Variants in PARN observed in about 807,000 individuals in gnomAD.
The protein encoded by PARN is poly(A)-specific ribonuclease.
PARN carries 71 observed loss-of-function variants against 102.8 expected under a neutral mutation model. The ratio of observed to expected loss-of-function variants is 0.69; its 90% confidence interval spans 0.57 to 0.84. PARN has a LOEUF of 0.84. PARN is among the 40% of genes least tolerant of loss of function. The probability of loss-of-function intolerance (pLI) is 0.00; values close to 1 mark genes in which losing one functional copy is unlikely to be tolerated. For missense variants in PARN, 782 were observed against 760.9 expected, an observed-to-expected ratio of 1.03 and a Z score of -0.33; for synonymous variants, 261 against 252.9, an observed-to-expected ratio of 1.03 and a Z score of -0.30.
chr16:14,527,183 G>A (rs1000729297), intron 21 of PARN, among the ~76,000 whole-genome samples: 1 of 152,176 alleles, frequency 6.6e-6, no homozygotes, highest in Non-Finnish European at 1.5e-5. Context: ...ATGACCTTGT[G>A]GGGAATCCAA....
At chr16:14,585,801 G>A (rs1448793295) in intron 14 of PARN, among the ~76,000 whole-genome samples, 1 of 152,030 alleles carries the variant, frequency 6.6e-6, no homozygotes, top group Non-Finnish European at 1.5e-5. Context: ...GGAGTCGTTG[G>A]TCTACTTTCA....
intron 21 of PARN, among the ~76,000 whole-genome samples, chr16:14,512,305 C>G (rs893591515): frequency 6.6e-6 from 1 of 152,094 alleles, no homozygotes; most frequent in Non-Finnish European, 1.5e-5. Context: ...AGTTTGAGAC[C>G]AGCCTAGTGA....
intron 18 of PARN, among the ~76,000 whole-genome samples, chr16:14,563,779 TAAATGAAATAGA>T (rs1259754217): frequency 3.3e-5 from 5 of 151,676 alleles, no homozygotes; most frequent in African/African-American, 1.2e-4. Flanking sequence ...TCTCAATTAG[TAAATGAAATAGA>T]CACAGAACAC....
At chr16:14,626,214 T>C (rs1972649205) in intron 5 of PARN, among the ~76,000 whole-genome samples, 2 of 152,214 alleles carry the variant, frequency 1.3e-5, no homozygotes, top group East Asian at 3.9e-4. Context: ...GATACACACA[T>C]ACTCTGCTTT....
At chr16:14,450,794 T>A (rs181614463) in intron 22 of PARN, among the ~76,000 whole-genome samples, 1 of 152,082 alleles carries the variant, frequency 6.6e-6, no homozygotes, top group East Asian at 1.9e-4. Flanking sequence ...GTAAAAAACT[T>A]TTAGGCATGT....
intron 16 of PARN, among the ~76,000 whole-genome samples, chr16:14,583,602 C>A (rs995871851): frequency 2.0e-5 from 3 of 152,206 alleles, no homozygotes; most frequent in Non-Finnish European, 4.4e-5. Flanking sequence ...TAATTCCTTT[C>A]TTGGACTATT....
chr16:14,519,148 C>T (rs982431308), intron 21 of PARN, among the ~76,000 whole-genome samples: 1 of 151,178 alleles, frequency 6.6e-6, no homozygotes, highest in Non-Finnish European at 1.5e-5. Context: ...AGAGAAAGAA[C>T]GTATATATTT....
At chr16:14,581,077 A>C in intron 17 of PARN, 134 bp from the exon 18 acceptor site, 1 of 546,088 alleles carries the variant, frequency 1.8e-6, no homozygotes, top group South Asian at 2.9e-5. Flanking sequence ...TTTGAGTCAG[A>C]GTTTCACTCT....
chr16:14,625,204 A>AAAAAC (rs1555511199), intron 5 of PARN, among the ~76,000 whole-genome samples: 8 of 151,924 alleles, frequency 5.3e-5, no homozygotes, highest in Non-Finnish European at 8.8e-5. Context: ...TTACCAAAAA[A>AAAAAC]AAAACAAAAC....
chr16:14,489,537 G>C (rs1196315656), intron 21 of PARN, among the ~76,000 whole-genome samples: 1 of 151,976 alleles, frequency 6.6e-6, no homozygotes, highest in Non-Finnish European at 1.5e-5. Flanking sequence ...AAGTGAGAAG[G>C]TCTCTTTAAG....
chr16:14,590,106 C>G (rs1405003237), intron 13 of PARN, among the ~76,000 whole-genome samples: 1 of 150,982 alleles, frequency 6.6e-6, no homozygotes, highest in Non-Finnish European at 1.5e-5. Flanking sequence ...CAAAAATTAG[C>G]TGGGCATGGT....
chr16:14,606,857 C>G (rs1971220774), intron 9 of PARN, among the ~76,000 whole-genome samples: 1 of 151,524 alleles, frequency 6.6e-6, no homozygotes, highest in South Asian at 2.1e-4. Context: ...TCTCGGCTCA[C>G]TGCAAGCTCC....
Position 14,627,265 on chromosome 16 carries a change from C to A in PARN, c.245+4G>T. On this transcript the variant is annotated splice_donor_region_variant and intron_variant, in intron 4 of 23. Coordinates refer to ENST00000437198, the MANE Select transcript of PARN (RefSeq NM_002582.4). ...AATTCCCAACGTTTGTTAACACAAC[C>A]TACTTTGAATCTGTGTAGTCATACT... 6.3e-7 allele frequency: 1 copy of A among 1,591,904 alleles called. No homozygotes were observed. The highest frequency in any genetic ancestry group is 8.6e-7 in the Non-Finnish European group (1 of 1,167,466).
chr16:14,455,361 A>T (rs1961630797), intron 22 of PARN, among the ~76,000 whole-genome samples: 1 of 152,136 alleles, frequency 6.6e-6, no homozygotes, highest in Admixed American at 6.5e-5. Context: ...TGCTTTTCCT[A>T]ATTCAAATTT....
chr16:14,568,324 C>T (rs1426996714), intron 18 of PARN, among the ~76,000 whole-genome samples: 1 of 151,320 alleles, frequency 6.6e-6, no homozygotes, highest in African/African-American at 2.4e-5. Flanking sequence ...GCGATTCTTC[C>T]GCTTCAGCCT....
chr16:14,483,605 C>G (rs539665597), intron 21 of PARN, among the ~76,000 whole-genome samples: 1 of 152,120 alleles, frequency 6.6e-6, no homozygotes, highest in South Asian at 2.1e-4. Context: ...TTTGTACACC[C>G]ACATGTCATC....
intron 3 of PARN, among the ~76,000 whole-genome samples, chr16:14,627,854 T>C (rs945259793): frequency 6.6e-6 from 1 of 151,948 alleles, no homozygotes; most frequent in African/African-American, 2.4e-5. Flanking sequence ...AAAAAAATAA[T>C]AATAATTGGC....
intron 13 of PARN, among the ~76,000 whole-genome samples, chr16:14,586,873 C>T (rs1969890336): frequency 6.6e-6 from 1 of 152,180 alleles, no homozygotes; most frequent in South Asian, 2.1e-4. Flanking sequence ...GAAACACAGG[C>T]TTTTCAATAC....
At chr16:14,582,139 C>G (rs181407243) in intron 17 of PARN, 42 bp downstream of exon 17, 1 of 1,228,338 alleles carries the variant, frequency 8.1e-7, no homozygotes, top group Admixed American at 1.7e-5. Flanking sequence ...AAGATCCACC[C>G]TAGATCACTG....
Sources: allele counts gnomAD v4.1 joint callset (sites outside exome capture counted in the v4.1 genomes callset), GRCh38; gene constraint gnomAD v4.1.1; transcripts MANE v1.5; gene names NCBI Gene and HGNC (gene_info 2026-07-23, HGNC 2026-07-21).